Variants in P2RY8 observed in about 807,000 individuals in gnomAD.
The protein encoded by P2RY8 is S-geranylgeranyl-glutathione receptor P2RY8.
Under a neutral mutation model 10.0 loss-of-function variants are expected in P2RY8, and 6 were observed. The observed-to-expected ratio is 0.60, with a 90% CI of 0.33 to 1.19. The LOEUF (loss-of-function observed/expected upper bound fraction) is 1.19. P2RY8 is among the 50% of genes most tolerant of loss of function. The pLI is 0.04. For synonymous variants in P2RY8, 276 were observed against 252.5 expected (o/e 1.09, Z -0.88); for missense variants, 456 against 542.0 (o/e 0.84, Z 1.58).
Position 1,462,616 on chromosome X carries a change from A to G in P2RY8, c.*2863T>C, listed in dbSNP as rs1459729824. The G allele has an allele frequency of 4.3e-6, 1 of 231,648 alleles. No homozygotes were observed. Among genetic ancestry groups the G allele is most frequent in the Non-Finnish European group, 8.5e-6 (1 of 117,358 alleles). The allele number at this position is 231,648 out of a possible 1,614,324, so 14.3% of individuals were successfully genotyped here. A position where few individuals can be genotyped will look rare whatever the true frequency, so the allele number is the denominator to read the frequency against. ...AGCTCATGTTTTTTTTTAATGTTTT[A>G]TTTTTATTTTTTACAGAGATGAGTT... On this transcript the variant is annotated 3_prime_UTR_variant, in exon 2 of 2. Coordinates refer to ENST00000381297, the MANE Select transcript of P2RY8 (RefSeq NM_178129.5).
chrX:1,514,109 A>G (rs1268968271), intron 1 of P2RY8, among the ~76,000 whole-genome samples: 2 of 152,160 alleles, frequency 1.3e-5, no homozygotes, highest in African/African-American at 4.8e-5. Context: ...TAATTGTCCC[A>G]CTTTTAGCCC....
chrX:1,519,504 C>G (rs2092375768), intron 1 of P2RY8, among the ~76,000 whole-genome samples: 1 of 151,842 alleles, frequency 6.6e-6, no homozygotes, highest in Non-Finnish European at 1.5e-5. Context: ...AATCATCTTT[C>G]TGATTCCCAG....
chrX:1,497,325 C>CT (rs1378912732), intron 1 of P2RY8, among the ~76,000 whole-genome samples: 69 of 140,982 alleles, frequency 4.9e-4, no homozygotes, highest in Non-Finnish European at 5.1e-4. Context: ...AGGGTTTTCT[C>CT]TTTTTTTTTT....
chrX:1,464,212 G>T lies in P2RY8; in HGVS notation c.*1267C>A. ...TGGTCTTTCTCGCCCAAGAGAGCCT[G>T]GGATCCAATTCCACGTGATGTCCCA... On this transcript the variant is annotated 3_prime_UTR_variant, in exon 2 of 2. Coordinates refer to ENST00000381297, the MANE Select transcript of P2RY8 (RefSeq NM_178129.5). 4.3e-6 allele frequency: 1 copy of T among 233,432 alleles called. No individual in the cohort carries two copies. The highest frequency in any genetic ancestry group is 8.5e-6 in the Non-Finnish European group (1 of 118,144). 14.5% of individuals were successfully genotyped at this position (233,432 alleles called of 1,614,324 possible).
chrX:1,469,657 C>T (rs1313244232), intron 1 of P2RY8, among the ~76,000 whole-genome samples: 9 of 151,770 alleles, frequency 5.9e-5, no homozygotes, highest in Non-Finnish European at 1.0e-4. Flanking sequence ...TTTGGAAGGC[C>T]GAGGTGGGCA....
intron 1 of P2RY8, among the ~76,000 whole-genome samples, chrX:1,519,421 T>C (rs1289103642): frequency 6.6e-6 from 1 of 151,702 alleles, no homozygotes; most frequent in African/African-American, 2.4e-5. Context: ...TGCTCCCCAA[T>C]ATTCTCTCTG....
rs1276664519 is a variant in P2RY8 at position 1,462,994 on chromosome X, C to T, written c.*2485G>A. The stretch of plus-strand genomic sequence containing the variant: ...CATACTGACAAAAAAAAAAAATCGA[C>T]GCATTTTGCCTGCTTGCAACGTCTT... On this transcript the variant is annotated 3_prime_UTR_variant, in exon 2 of 2. Coordinates refer to ENST00000381297, the MANE Select transcript of P2RY8 (RefSeq NM_178129.5). 1.0e-4 allele frequency: 24 copies of T among 232,294 alleles called. No individual in the cohort carries two copies. The highest frequency in any genetic ancestry group is 4.0e-4 in the African/African-American group (18 of 45,068). 14.4% of individuals were successfully genotyped at this position (232,294 alleles called of 1,614,324 possible). A position where few individuals can be genotyped will look rare whatever the true frequency, so the allele number is the denominator to read the frequency against.
intron 1 of P2RY8, among the ~76,000 whole-genome samples, chrX:1,470,184 TC>T (rs2149375348): frequency 7.7e-6 from 1 of 129,898 alleles, no homozygotes; most frequent in East Asian, 2.2e-4. Context: ...CATGGTGAAA[TC>T]CTGTTGTTAC....
At chrX:1,522,790 C>G (rs1287245103) in intron 1 of P2RY8, among the ~76,000 whole-genome samples, 2 of 147,828 alleles carry the variant, frequency 1.4e-5, no homozygotes, top group African/African-American at 2.5e-5. Flanking sequence ...AAATTAAGGC[C>G]GGGCGTGGTG....
chrX:1,480,752 C>A (rs28437174), intron 1 of P2RY8, among the ~76,000 whole-genome samples: 101,969 of 151,616 alleles, frequency 0.67, 34,517 homozygotes, highest in South Asian at 0.72. Flanking sequence ...GCAAACCACC[C>A]TGGCACCTGT....
At chrX:1,499,222 G>T (rs1480374102) in intron 1 of P2RY8, among the ~76,000 whole-genome samples, 2 of 147,032 alleles carry the variant, frequency 1.4e-5, no homozygotes, top group Non-Finnish European at 3.0e-5. Flanking sequence ...GAGTGCAATG[G>T]CACGATCTCG....
chrX:1,530,703 C>T (rs2092468580), intron 1 of P2RY8, among the ~76,000 whole-genome samples: 1 of 149,978 alleles, frequency 6.7e-6, no homozygotes, highest in African/African-American at 2.5e-5. Context: ...ATCTATATAT[C>T]TATCTATCTA....
chrX:1,509,757 C>G lies in P2RY8; in HGVS notation c.-25+27164G>C, dbSNP rs1225208102. Reference sequence around the variant, plus strand: ...TCTATCTATGTATCTATCTGTCTATCTATCTATCTATCTATCTATCTATCA... The same window carrying G: ...TCTATCTATGTATCTATCTGTCTATGTATCTATCTATCTATCTATCTATCA... On this transcript the variant is annotated intron_variant, in intron 1 of 1. Transcript: ENST00000381297. Among the ~76,000 whole-genome samples the G allele has an allele frequency of 3.5e-3, 408 of 117,390 alleles. 15 individuals are homozygous for G. Among genetic ancestry groups the G allele is most frequent in the South Asian group, 0.01 (38 of 3,780 alleles). The allele number at this position is 117,390 out of a possible 152,430, so 77.0% of individuals were successfully genotyped here.
At chrX:1,473,970 A>G (rs1307571497) in intron 1 of P2RY8, among the ~76,000 whole-genome samples, 3 of 121,286 alleles carry the variant, frequency 2.5e-5, no homozygotes, top group South Asian at 2.9e-4. Flanking sequence ...TAGATGGATG[A>G]GTGGGTGGAT....
chrX:1,476,253 T>A (rs1488227134), intron 1 of P2RY8, among the ~76,000 whole-genome samples: 1 of 152,110 alleles, frequency 6.6e-6, no homozygotes, highest in East Asian at 1.9e-4. Flanking sequence ...CAGACCTGTT[T>A]GAGCAAGAGT....
chrX:1,467,893 G>A (rs1332082190), intron 1 of P2RY8, among the ~76,000 whole-genome samples: 2 of 151,030 alleles, frequency 1.3e-5, no homozygotes, highest in East Asian at 1.9e-4. Flanking sequence ...TTCCCAGGCT[G>A]GTCTCAAACT....
At chrX:1,497,399 T>C (rs2092128014) in intron 1 of P2RY8, among the ~76,000 whole-genome samples, 1 of 151,634 alleles carries the variant, frequency 6.6e-6, no homozygotes, top group East Asian at 1.9e-4. Flanking sequence ...GGCTCACACC[T>C]GTAATCCCAG....
chrX:1,535,159 C>T (rs1317398086), intron 1 of P2RY8, among the ~76,000 whole-genome samples: 22 of 144,964 alleles, frequency 1.5e-4, no homozygotes, highest in African/African-American at 5.4e-4. Context: ...AATGAAAGTA[C>T]TGCTTTTCCA....
chrX:1,532,289 T>C (rs1205806095), intron 1 of P2RY8, among the ~76,000 whole-genome samples: 1 of 139,554 alleles, frequency 7.2e-6, no homozygotes, highest in Non-Finnish European at 1.6e-5. Context: ...CACACATATA[T>C]GTCATATATA....
Sources: gnomAD v4.1 joint callset for allele counts (sites outside exome capture counted in the v4.1 genomes callset) on GRCh38, gnomAD v4.1.1 for gene constraint, MANE v1.5 for transcripts, NCBI Gene and HGNC (gene_info 2026-07-23, HGNC 2026-07-21) for gene names.